Variants in FHIT observed in about 807,000 individuals in gnomAD.
FHIT encodes fragile histidine triad diadenosine triphosphatase.
Under a neutral mutation model 17.9 loss-of-function variants are expected in FHIT, and 19 were observed. The ratio of observed to expected loss-of-function variants is 1.06; its 90% CI spans 0.74 to 1.56. FHIT has a LOEUF of 1.56. FHIT is among the 40% of genes most tolerant of loss of function. The pLI, the probability that FHIT is intolerant of heterozygous loss-of-function variation, is 0.00. For missense variants in FHIT, 248 were observed against 189.2 expected (o/e 1.31, Z -1.82); for synonymous variants, 81 against 69.7 (o/e 1.16, Z -0.81).
rs577374813 is a variant in FHIT at position 60,534,647 on chromosome 3, A to T, written c.103+2213T>A. Among the ~76,000 whole-genome samples, 5 of 152,194 alleles carry T rather than the reference A, an allele frequency of 3.3e-5. No homozygotes were observed. In the East Asian group the frequency reaches 9.7e-4, roughly 29 times the overall value. ...TGATTTTAAAAAAGCTCTGGTTCTC[A>T]TTGTTCTTATAATCAGAGAGGGTTG... On this transcript the variant is annotated intron_variant, in intron 5 of 9. Coordinates refer to ENST00000492590, the MANE Select transcript of FHIT (RefSeq NM_002012.4).
intron 8 of FHIT, among the ~76,000 whole-genome samples, chr3:59,817,577 A>G (rs536479009): frequency 2.3e-4 from 34 of 150,952 alleles, no homozygotes; most frequent in East Asian, 7.7e-4. Context: ...AAAAAAAAAA[A>G]AAAGAAAGAA....
Position 60,983,135 on chromosome 3 carries a change from TTGTGTG to T in FHIT, c.-111+58906_-111+58911del, listed in dbSNP as rs60471009. On this transcript the variant is annotated intron_variant, in intron 3 of 9. Transcript: ENST00000492590. ...ATCTCAATCCGATTTACCTTCTCTC[TTGTGTG>T]TGTGTGTGTGTGTGTGTGTGTGTAA... Among the ~76,000 whole-genome samples the T allele has an allele frequency of 9.5e-4, 142 of 148,930 alleles. No individual in the cohort carries two copies. The Middle Eastern group carries it at 0.01, about 11-fold the overall frequency.
chr3:60,538,362 G>A (rs2036062779), intron 4 of FHIT, among the ~76,000 whole-genome samples: 2 of 152,160 alleles, frequency 1.3e-5, no homozygotes, highest in South Asian at 4.1e-4. Context: ...TGGCCATACT[G>A]TCCAAGGTAA....
At chr3:60,722,121 C>T (rs2041821185) in intron 4 of FHIT, among the ~76,000 whole-genome samples, 1 of 152,194 alleles carries the variant, frequency 6.6e-6, no homozygotes, top group Non-Finnish European at 1.5e-5. Context: ...ATTAGGAATT[C>T]AGTGATGAAA....
chr3:60,383,650 G>A (rs1700895407), intron 5 of FHIT, among the ~76,000 whole-genome samples: 1 of 144,258 alleles, frequency 6.9e-6, no homozygotes, highest in African/African-American at 2.5e-5. Context: ...CTATGGACAT[G>A]AGCTACTGAA....
chr3:60,619,323 A>C (rs1204059452), intron 4 of FHIT, among the ~76,000 whole-genome samples: 1 of 152,146 alleles, frequency 6.6e-6, no homozygotes, highest in Non-Finnish European at 1.5e-5. Context: ...AATACAAAGA[A>C]AATGAAAATC....
intron 4 of FHIT, among the ~76,000 whole-genome samples, chr3:60,727,931 G>A (rs1179586758): frequency 9.9e-5 from 15 of 152,180 alleles, no homozygotes; most frequent in Non-Finnish European, 1.6e-4. Flanking sequence ...GTGAACCCGG[G>A]AGGCAGAGCT....
chr3:60,960,728 C>T (rs1709385236), intron 3 of FHIT, among the ~76,000 whole-genome samples: 1 of 152,120 alleles, frequency 6.6e-6, no homozygotes, highest in Non-Finnish European at 1.5e-5. Flanking sequence ...GAATGGTTTC[C>T]AGCTTCATCC....
rs918676527 is a variant in FHIT at position 59,920,554 on chromosome 3, T to C, written c.348+1792A>G. Among the ~76,000 whole-genome samples, 7 of 152,278 alleles carry C rather than the reference T, an allele frequency of 4.6e-5. No homozygotes were observed. In the East Asian group the frequency reaches 1.4e-3, roughly 29 times the overall value. ...CTGGGCTGAAAAGTAACCATGCAGC[T>C]TCATTTTAAGCACAGTTGGAACATC... On this transcript the variant is annotated intron_variant, in intron 8 of 9. Transcript: ENST00000492590.
At chr3:60,125,423 G>T (rs184643712) in intron 5 of FHIT, among the ~76,000 whole-genome samples, 8 of 152,168 alleles carry the variant, frequency 5.3e-5, no homozygotes, top group Non-Finnish European at 1.0e-4. Flanking sequence ...CCTGAGGTCA[G>T]GAGTTTGAGA....
chr3:60,635,704 T>A (rs1424645715), intron 4 of FHIT, among the ~76,000 whole-genome samples: 1 of 152,168 alleles, frequency 6.6e-6, no homozygotes, highest in Non-Finnish European at 1.5e-5. Context: ...TAAGACTGCA[T>A]AGTAAGTGGC....
At chr3:60,551,900 G>A (rs2036572460) in intron 4 of FHIT, among the ~76,000 whole-genome samples, 1 of 151,930 alleles carries the variant, frequency 6.6e-6, no homozygotes. Flanking sequence ...TTTTCAGTAT[G>A]TGTGCAAAAT....
At chr3:60,179,502 G>A (rs899367433) in intron 5 of FHIT, among the ~76,000 whole-genome samples, 4 of 152,116 alleles carry the variant, frequency 2.6e-5, no homozygotes, top group Admixed American at 6.5e-5. Context: ...AACTTGTTCC[G>A]TGACCTTCCC....
intron 4 of FHIT, among the ~76,000 whole-genome samples, chr3:60,782,269 C>G (rs1429096693): frequency 7.3e-6 from 1 of 137,146 alleles, no homozygotes; most frequent in East Asian, 2.0e-4. Context: ...TTTTCTTTAT[C>G]CATTTCATCT....
At chr3:60,874,682 C>T (rs927684704) in intron 3 of FHIT, among the ~76,000 whole-genome samples, 1 of 152,140 alleles carries the variant, frequency 6.6e-6, no homozygotes, top group African/African-American at 2.4e-5. Flanking sequence ...CCTCCTCTCC[C>T]AAGAGTTGCG....
chr3:60,142,851 G>C (rs565266501), intron 5 of FHIT, among the ~76,000 whole-genome samples: 1 of 151,830 alleles, frequency 6.6e-6, no homozygotes, highest in East Asian at 1.9e-4. Context: ...GCATACAAAA[G>C]ACAAAAATAT....
intron 8 of FHIT, among the ~76,000 whole-genome samples, chr3:59,806,393 A>G (rs1296077802): frequency 6.6e-6 from 1 of 152,078 alleles, no homozygotes; most frequent in African/African-American, 2.4e-5. Flanking sequence ...AAATGGAAGA[A>G]ACTGAACCTA....
intron 2 of FHIT, among the ~76,000 whole-genome samples, chr3:61,063,097 A>C (rs1324192497): frequency 2.0e-5 from 3 of 151,906 alleles, no homozygotes; most frequent in Non-Finnish European, 4.4e-5. Context: ...GTCTCTACTA[A>C]AAATACAAAA....
intron 5 of FHIT, among the ~76,000 whole-genome samples, chr3:60,430,131 G>A (rs1702826073): frequency 6.6e-6 from 1 of 152,020 alleles, no homozygotes; most frequent in South Asian, 2.1e-4. Context: ...CTTCTGACCT[G>A]CAGATTTGCA....
Sources: gnomAD v4.1 joint callset for allele counts (sites outside exome capture counted in the v4.1 genomes callset) on GRCh38, gnomAD v4.1.1 for gene constraint, MANE v1.5 for transcripts, NCBI Gene and HGNC (gene_info 2026-07-23, HGNC 2026-07-21) for gene names.